MMP2: variants seen among roughly 807,000 people sequenced by gnomAD.
MMP2 encodes 72 kDa type IV collagenase.
A neutral mutation model predicts 74.8 loss-of-function variants in MMP2; 39 were observed. That is an observed-to-expected ratio of 0.52 (90% CI 0.40 to 0.68). The LOEUF is 0.68. MMP2 is among the 30% of genes least tolerant of loss of function. MMP2 has a pLI of 0.00. For synonymous variants in MMP2, 367 were observed against 339.8 expected, an observed-to-expected ratio of 1.08 and a Z score of -0.88; for missense variants, 803 against 878.3, an observed-to-expected ratio of 0.91 and a Z score of 1.08.
chr16:55,493,106 TG>T, intron 8 of MMP2, 51 bp from the exon 9 acceptor site: 1 of 1,610,200 alleles, frequency 6.2e-7, no homozygotes, highest in Non-Finnish European at 8.5e-7. Context: ...CTCACCCTAG[TG>T]GGGAGAACCT....
At chr16:55,486,751 A>T (rs1962271371) in intron 5 of MMP2, 1 of 152,186 alleles carries the variant, frequency 6.6e-6, no homozygotes, top group African/African-American at 2.4e-5. Flanking sequence ...AATGGAAAAA[A>T]GTCTAAAAAT....
chr16:55,496,846 G>C, intron 9 of MMP2, 80 bp from the exon 10 acceptor site: 1 of 1,577,406 alleles, frequency 6.3e-7, no homozygotes. Context: ...GATGTTTCTG[G>C]GTGGGTTTGG....
chr16:55,493,376 T>C, intron 9 of MMP2, 83 bp downstream of exon 9: 4 of 1,579,594 alleles, frequency 2.5e-6, no homozygotes, highest in Non-Finnish European at 8.7e-7. Flanking sequence ...CACTCTTCGC[T>C]GAAGACTCCG....
At chr16:55,496,564 T>C (rs1415193298) in intron 9 of MMP2, among the ~76,000 whole-genome samples, 6 of 152,206 alleles carry the variant, frequency 3.9e-5, no homozygotes, top group African/African-American at 1.2e-4. Context: ...CCTGCCCCAA[T>C]TGGCCTCTAA....
In MMP2 at chr16:55,479,286, G is replaced by C. The variant is rs1382179669; in HGVS notation, c.-194G>C. 13 of 457,322 alleles carry C rather than the reference G, an allele frequency of 2.8e-5. No homozygotes were observed. The highest frequency in any genetic ancestry group is 4.4e-5 in the Non-Finnish European group (13 of 295,808). The allele number at this position is 457,322 out of a possible 1,614,324, so 28.3% of individuals were successfully genotyped here. A position where few individuals can be genotyped will look rare whatever the true frequency, so the allele number is the denominator to read the frequency against. On this transcript the variant is annotated 5_prime_UTR_variant, in exon 1 of 13. Transcript: ENST00000219070. ...AGGGATTGCCAGGACCTGCGGCGGC[G>C]GCGGCGGCGGCGGGGGCTGGGGCGC...
chr16:55,504,931 C>T (rs558423681), intron 12 of MMP2, among the ~76,000 whole-genome samples: 2 of 151,342 alleles, frequency 1.3e-5, no homozygotes, highest in East Asian at 2.0e-4. Flanking sequence ...GGATTACAGG[C>T]GTGAGCCACC....
intron 5 of MMP2, chr16:55,486,735 G>T (rs1338019551): frequency 6.6e-6 from 1 of 152,016 alleles, no homozygotes; most frequent in African/African-American, 2.4e-5. Context: ...CAGAAAACCT[G>T]GCGAAAATGG....
Position 55,481,848 on chromosome 16 carries a change from G to A in MMP2, c.154-1061G>A, listed in dbSNP as rs17859853. 1.6e-3 allele frequency: 1,199 copies of A among 765,058 alleles called. 8 individuals are homozygous for A. In the African/African-American group the frequency reaches 0.016, roughly 10 times the overall value. 47.4% of individuals were successfully genotyped at this position (765,058 alleles called of 1,614,324 possible). A position where few individuals can be genotyped will look rare whatever the true frequency, so the allele number is the denominator to read the frequency against. On this transcript the variant is annotated intron_variant, in intron 1 of 12. Transcript: ENST00000219070. ...AATTTCCTATCTCAGGGTTAAAAGA[G>A]AGGTAATCTTAGGTGCTTACCTAGC...
chr16:55,502,194 G>A (rs138947923), intron 11 of MMP2, among the ~76,000 whole-genome samples: 1 of 152,246 alleles, frequency 6.6e-6, no homozygotes, highest in Non-Finnish European at 1.5e-5. Context: ...CCAGGGCAGG[G>A]ACTGTCATCT....
chr16:55,485,533 G>T, intron 4 of MMP2, 71 bp from the exon 5 acceptor site: 1 of 1,611,780 alleles, frequency 6.2e-7, no homozygotes, highest in African/African-American at 1.3e-5. Context: ...ACACATCTGG[G>T]TGAGTCAGAA....
Position 55,489,712 on chromosome 16 carries a change from G to T in MMP2, c.1068G>T (p.Leu356=), listed in dbSNP as rs372342322. Residue 356 remains leucine, a synonymous_variant, in exon 7 of 13, where the codon CTG becomes CTT. Coordinates refer to ENST00000219070, the MANE Select transcript of MMP2 (RefSeq NM_004530.6). ...CCTGTGTCTTCCCCTTCACTTTCCT[G>T]GGCAACAAATATGAGAGCTGCACCA... ...GAPCVFPFTF[L]GNKYESCTSA... is the part of the protein sequence containing the mutation. 2 of 1,613,900 alleles carry T rather than the reference G, an allele frequency of 1.2e-6. No homozygotes were observed. Among genetic ancestry groups the T allele is most frequent in the African/African-American group, 2.7e-5 (2 of 74,846 alleles).
rs1962176107 is a variant in MMP2 at position 55,484,074 on chromosome 16, G to A, written c.439G>A (p.Ala147Thr). Residue 147 changes from alanine to threonine, a missense_variant, in exon 3 of 13, where the codon GCC (alanine) becomes ACC (threonine). By Grantham distance (58) the Ala-to-Thr change is moderately conservative. This residue lies in a region of MMP2 where 223 missense variants were observed against 232.8 expected (regional missense o/e 0.96). Transcript: ENST00000219070. ...PETVDDAFAR[A>T]FQVWSDVTPL... ...GACAGTGGATGATGCCTTTGCTCGTGCCTTCCAAGTCTGGAGCGATGTGAC... is the reference window on the plus strand; with the variant it reads ...GACAGTGGATGATGCCTTTGCTCGTACCTTCCAAGTCTGGAGCGATGTGAC... 6 of 1,614,036 alleles carry A rather than the reference G, an allele frequency of 3.7e-6. No individual in the cohort carries two copies. The highest frequency in any genetic ancestry group is 5.1e-6 in the Non-Finnish European group (6 of 1,180,034).
At chr16:55,488,843 G>A in intron 6 of MMP2, 127 bp downstream of exon 6, 1 of 979,240 alleles carries the variant, frequency 1.0e-6, no homozygotes. Context: ...CTGTGCGAAT[G>A]ACATCCACAC....
chr16:55,502,866 C>T lies in MMP2; in HGVS notation c.1857C>T (p.Ala619=), dbSNP rs371947760. The part of the protein sequence containing the change: ...AWNAIPDNLD[A]VVDLQGGGHS... Reference sequence around the variant, plus strand: ...ATGCCATCCCCGATAACCTGGATGCCGTCGTGGACCTGCAGGGCGGCGGTG... The same window carrying T: ...ATGCCATCCCCGATAACCTGGATGCTGTCGTGGACCTGCAGGGCGGCGGTG... Residue 619 remains alanine, a synonymous_variant, in exon 12 of 13, where the codon GCC becomes GCT. Coordinates refer to ENST00000219070, the MANE Select transcript of MMP2 (RefSeq NM_004530.6). 37 of 1,613,766 alleles carry T rather than the reference C, an allele frequency of 2.3e-5. No homozygotes were observed. Among genetic ancestry groups the T allele is most frequent in the South Asian group, 1.3e-4 (12 of 91,084 alleles).
rs564418318 is a variant in MMP2, at chr16:55,505,004, G to T, written c.1880-335G>T. Among the ~76,000 whole-genome samples, 10 of 152,046 alleles carry T rather than the reference G, an allele frequency of 6.6e-5. No homozygotes were observed. In the South Asian group the frequency reaches 2.1e-3, roughly 32 times the overall value. On this transcript the variant is annotated intron_variant, in intron 12 of 12. Coordinates refer to ENST00000219070, the MANE Select transcript of MMP2 (RefSeq NM_004530.6). ...GACAAGGTCTTGCTCTATCACCCAG[G>T]CTAGAGGCACAATCATAGCTCACTG...
Position 55,493,328 on chromosome 16 carries a change from C to T in MMP2, c.1472+35C>T, listed in dbSNP as rs753551523. ...GGAGCTTGCTTCTTGTCCTCCTTGT[C>T]TCCTGTCCTCTGCTCTTATACCATT... On this transcript the variant is annotated intron_variant, in intron 9 of 12. Transcript: ENST00000219070. The T allele has an allele frequency of 7.4e-6, 12 of 1,613,568 alleles. 1 individual carries two copies. In the Admixed American group the frequency reaches 2.0e-4, roughly 27 times the overall value.
chr16:55,485,168 A>G, intron 3 of MMP2, 131 bp from the exon 4 acceptor site: 1 of 1,310,380 alleles, frequency 7.6e-7, no homozygotes, highest in Admixed American at 1.7e-5. Flanking sequence ...ACAGTCCTGG[A>G]TAACCCCACT....
At chr16:55,493,709 C>G (rs1567379099) in intron 9 of MMP2, among the ~76,000 whole-genome samples, 1 of 152,172 alleles carries the variant, frequency 6.6e-6, no homozygotes, top group Non-Finnish European at 1.5e-5. Context: ...CCAAGACCTA[C>G]CCTAGAGGGT....
intron 1 of MMP2, among the ~76,000 whole-genome samples, chr16:55,480,235 A>G (rs17859841): frequency 0.015 from 2,333 of 152,238 alleles, 43 homozygotes; most frequent in African/African-American, 0.046. Context: ...GGGACCTTTA[A>G]ACAAACAGCT....
Sources: gnomAD v4.1 joint callset for allele counts (sites outside exome capture counted in the v4.1 genomes callset) on GRCh38, gnomAD v4.1.1 for gene constraint, gnomAD v4.1.1 regional missense constraint, MANE v1.5 for transcripts, NCBI Gene and HGNC (gene_info 2026-07-23, HGNC 2026-07-21) for gene names.